The following CEP112 variants were observed in gnomAD, a reference collection of about 807,000 sequenced individuals.
CEP112 encodes the protein centrosomal protein 112.
A neutral mutation model predicts 153.0 loss-of-function variants in CEP112; 127 were observed. The observed-to-expected ratio is 0.83, with a 90% CI of 0.72 to 0.96. The LOEUF (loss-of-function observed/expected upper bound fraction) is 0.96. CEP112 is among the 40% of genes least tolerant of loss of function. The pLI, the probability that CEP112 is intolerant of heterozygous loss-of-function variation, is 0.00. For synonymous variants in CEP112, 358 were observed against 374.4 expected, an observed-to-expected ratio of 0.96 and a Z score of 0.51; for missense variants, 1,089 against 1,101.2, an observed-to-expected ratio of 0.99 and a Z score of 0.16.
chr17:65,999,992 CCATGT>C (rs2063953271), intron 17 of CEP112, among the ~76,000 whole-genome samples: 3 of 152,204 alleles, frequency 2.0e-5, no homozygotes, highest in Non-Finnish European at 2.9e-5. Flanking sequence ...TAGGTTGATT[CCATGT>C]CTTTGCTATT....
rs1356160123 is a variant in CEP112 at position 65,700,956 on chromosome 17, C to T, written c.2608-11738G>A. On this transcript the variant is annotated intron_variant, in intron 23 of 26. Transcript: ENST00000535342. ...AAAAGTCCAGGAATACAGAATGAGG[C>T]TTAGGACATTAAATTTTCGGTCAAT... Among the ~76,000 whole-genome samples the T allele has an allele frequency of 2.0e-5, 3 of 152,246 alleles. No homozygotes were observed. In the East Asian group the frequency reaches 5.8e-4, roughly 29 times the overall value.
chr17:65,866,614 C>G (rs1052119084), intron 20 of CEP112, among the ~76,000 whole-genome samples: 3 of 152,184 alleles, frequency 2.0e-5, no homozygotes, highest in African/African-American at 7.2e-5. Context: ...CACTTCCTCC[C>G]CTCTGAGGCC....
rs187405396 is a variant in CEP112, at chr17:65,892,982, C to T, written c.2163+9170G>A. On this transcript the variant is annotated intron_variant, in intron 20 of 26. Coordinates refer to ENST00000535342, the MANE Select transcript of CEP112 (RefSeq NM_001199165.4). The stretch of plus-strand genomic sequence containing the variant: ...GGTTTGTTTTCGTAATAAATACTGA[C>T]TTAAGGAGCAAACTTAAGATGAATG... Among the ~76,000 whole-genome samples, 25 of 152,282 alleles carry T rather than the reference C, an allele frequency of 1.6e-4. No individual in the cohort carries two copies. In the East Asian group the frequency reaches 4.8e-3, roughly 29 times the overall value.
chr17:65,702,581 T>C (rs966819005), intron 23 of CEP112, among the ~76,000 whole-genome samples: 18 of 152,190 alleles, frequency 1.2e-4, no homozygotes, highest in African/African-American at 4.1e-4. Context: ...TTGTAATTGT[T>C]CTATTTTATT....
chr17:65,934,485 A>G (rs759807478), intron 18 of CEP112, among the ~76,000 whole-genome samples: 25 of 152,212 alleles, frequency 1.6e-4, no homozygotes, highest in Non-Finnish European at 2.9e-4. Flanking sequence ...AGAACAAAGA[A>G]TCTACAAAAC....
intron 6 of CEP112, among the ~76,000 whole-genome samples, chr17:66,099,854 C>A (rs1486640584): frequency 2.6e-5 from 4 of 152,262 alleles, no homozygotes; most frequent in African/African-American, 9.6e-5. Flanking sequence ...TCCCATATCT[C>A]CCCACTCTCA....
At chr17:65,989,049 AC>A (rs1167149091) in intron 17 of CEP112, among the ~76,000 whole-genome samples, 1 of 151,716 alleles carries the variant, frequency 6.6e-6, no homozygotes, top group Non-Finnish European at 1.5e-5. Flanking sequence ...ACATGGTGAA[AC>A]CCTGTCTCTA....
At chr17:65,666,973 G>T (rs2046725499) in intron 24 of CEP112, among the ~76,000 whole-genome samples, 1 of 152,114 alleles carries the variant, frequency 6.6e-6, no homozygotes, top group South Asian at 2.1e-4. Context: ...CTGGCATCTG[G>T]TCTAAGGGAA....
chr17:65,961,665 A>G, intron 17 of CEP112, 67 bp from the exon 18 acceptor site: 1 of 1,363,642 alleles, frequency 7.3e-7, no homozygotes, highest in African/African-American at 1.5e-5. Flanking sequence ...AAAGAACAAT[A>G]TTTAACCCCC....
intron 12 of CEP112, among the ~76,000 whole-genome samples, chr17:66,040,486 C>A (rs1197052985): frequency 2.3e-5 from 1 of 43,676 alleles, no homozygotes; most frequent in East Asian, 8.1e-4. Context: ...TGCCTTTTCC[C>A]TTTTTTTCTT....
At chr17:65,787,793 T>C (rs2054358463) in intron 21 of CEP112, among the ~76,000 whole-genome samples, 1 of 152,244 alleles carries the variant, frequency 6.6e-6, no homozygotes, top group African/African-American at 2.4e-5. Context: ...TGTCTTATTA[T>C]TTCCAATAGT....
rs185856628 is a variant in CEP112, at chr17:65,902,528, G to A, written c.1981-194C>T. ...AAACCTCCTAATATTCAAAATAGTT[G>A]GGCATATTCAGTAAATCCTTCTTCA... On this transcript the variant is annotated intron_variant, in intron 19 of 26. Coordinates refer to ENST00000535342, the MANE Select transcript of CEP112 (RefSeq NM_001199165.4). 1.5e-3 allele frequency among the ~76,000 whole-genome samples: 235 copies of A among 151,716 alleles called. 1 individual carries two copies. Among genetic ancestry groups the A allele is most frequent in the African/African-American group, 5.4e-3 (223 of 41,332 alleles).
intron 6 of CEP112, among the ~76,000 whole-genome samples, chr17:66,115,128 C>G (rs1427671903): frequency 6.6e-6 from 1 of 152,038 alleles, no homozygotes; most frequent in Non-Finnish European, 1.5e-5. Flanking sequence ...TCACTTAAAC[C>G]TGGGAGGCAG....
At chr17:66,018,793 T>C (rs1283452530) in intron 16 of CEP112, among the ~76,000 whole-genome samples, 1 of 152,202 alleles carries the variant, frequency 6.6e-6, no homozygotes, top group Non-Finnish European at 1.5e-5. Flanking sequence ...TCCATCAGAA[T>C]GATTTTAAGT....
chr17:65,850,588 A>G (rs2057894470), intron 21 of CEP112, among the ~76,000 whole-genome samples: 1 of 152,138 alleles, frequency 6.6e-6, no homozygotes, highest in African/African-American at 2.4e-5. Context: ...CTTTGCCATC[A>G]ATTCAGTCTA....
chr17:65,803,195 A>G (rs2055384125), intron 21 of CEP112, among the ~76,000 whole-genome samples: 1 of 152,248 alleles, frequency 6.6e-6, no homozygotes, highest in African/African-American at 2.4e-5. Flanking sequence ...GAAGACTTCA[A>G]TATGACCTCA....
At position 65,649,097 on chromosome 17, in the gene CEP112, C is replaced by A. The variant is rs921384877; in HGVS notation, c.2698-8032G>T. Among the ~76,000 whole-genome samples the A allele has an allele frequency of 6.4e-3, 960 of 150,192 alleles. 8 individuals carry two copies. Among genetic ancestry groups the A allele is most frequent in the Middle Eastern group, 0.031 (9 of 290 alleles). ...AAACACACACACACACACACACACA[C>A]ACACACACACACACACACACACTGT... On this transcript the variant is annotated intron_variant, in intron 24 of 26. Transcript: ENST00000535342.
chr17:65,638,070 A>G (rs1232842651), intron 25 of CEP112, among the ~76,000 whole-genome samples: 1 of 152,212 alleles, frequency 6.6e-6, no homozygotes, highest in Non-Finnish European at 1.5e-5. Flanking sequence ...AATGACAGCT[A>G]CTTCCCAAGG....
At chr17:65,750,543 C>A (rs2051761176) in intron 22 of CEP112, 119 bp downstream of exon 22, 3 of 736,558 alleles carry the variant, frequency 4.1e-6, no homozygotes, top group Admixed American at 2.3e-5. Flanking sequence ...AATATGATAC[C>A]ATTCCACAAA....
Sources: allele counts gnomAD v4.1 joint callset (sites outside exome capture counted in the v4.1 genomes callset), GRCh38; gene constraint gnomAD v4.1.1; transcripts MANE v1.5; gene names NCBI Gene and HGNC (gene_info 2026-07-23, HGNC 2026-07-21).